ARCN1: variants seen among roughly 807,000 people sequenced by gnomAD.
ARCN1 encodes the protein archain 1 coat protein complex I subunit delta.
Under a neutral mutation model 60.4 loss-of-function variants are expected in ARCN1, and 5 were observed. That is an observed-to-expected ratio of 0.08 (90% CI 0.04 to 0.17). The LOEUF (loss-of-function observed/expected upper bound fraction) is 0.17, where lower values mean the gene tolerates loss of function less well. Among genes scored for constraint, ARCN1 ranks in the 10% least tolerant of loss-of-function variants. ARCN1 has a pLI of 1.00. For synonymous variants in ARCN1, 224 were observed against 220.0 expected (o/e 1.02, Z -0.16); for missense variants, 464 against 626.5 (o/e 0.74, Z 2.77).
At chr11:118,591,380 CTGTTT>C (rs554236038) in intron 6 of ARCN1, among the ~76,000 whole-genome samples, 118 of 152,152 alleles carry the variant, frequency 7.8e-4, no homozygotes, top group Non-Finnish European at 1.3e-3. Context: ...AAAGTGATTT[CTGTTT>C]TGTTTTGTTT....
chr11:118,588,756 G>A (rs1407476170), intron 5 of ARCN1, among the ~76,000 whole-genome samples: 1 of 151,262 alleles, frequency 6.6e-6, no homozygotes, highest in African/African-American at 2.4e-5. Flanking sequence ...GGTGGCTCAC[G>A]CCTGTAATCC....
chr11:118,591,667 A>C (rs549770532), intron 6 of ARCN1, among the ~76,000 whole-genome samples: 7 of 151,780 alleles, frequency 4.6e-5, no homozygotes, highest in Admixed American at 1.3e-4. Context: ...TTGGGATTGT[A>C]GTCATGAGCC....
chr11:118,597,283 C>G (rs1292069988), intron 8 of ARCN1, among the ~76,000 whole-genome samples: 1 of 152,154 alleles, frequency 6.6e-6, no homozygotes, highest in African/African-American at 2.4e-5. Flanking sequence ...GAGTTTTCCC[C>G]CACTATTATC....
At chr11:118,600,588 C>A in intron 9 of ARCN1, 37 bp from the exon 10 acceptor site, 1 of 1,459,512 alleles carries the variant, frequency 6.9e-7, no homozygotes, top group Non-Finnish European at 9.5e-7. Flanking sequence ...GAGACTCAAA[C>A]CTCCTGCTTT....
intron 5 of ARCN1, among the ~76,000 whole-genome samples, chr11:118,588,616 A>G (rs987805809): frequency 1.3e-5 from 2 of 152,244 alleles, no homozygotes; most frequent in African/African-American, 2.4e-5. Context: ...AGGCTGAGGC[A>G]GGAGGATCAC....
intron 2 of ARCN1, among the ~76,000 whole-genome samples, chr11:118,582,857 A>G (rs1021115881): frequency 6.6e-6 from 1 of 151,928 alleles, no homozygotes; most frequent in African/African-American, 2.4e-5. Context: ...CCTGGCCAAC[A>G]TGGTGAAACC....
At chr11:118,579,547 G>A (rs1938603458) in intron 1 of ARCN1, among the ~76,000 whole-genome samples, 1 of 151,500 alleles carries the variant, frequency 6.6e-6, no homozygotes, top group South Asian at 2.1e-4. Context: ...AATTAGCCGG[G>A]CGTGGTGGCA....
chr11:118,600,646 G>T lies in ARCN1; in HGVS notation c.1468G>T (p.Asp490Tyr), dbSNP rs1555077948. ...CTAGGTTACCAAAGTGACCCAGGTAGATGGAAACAGCCCCGTCAGGTTTTC... is the reference window on the plus strand; with the variant it reads ...CTAGGTTACCAAAGTGACCCAGGTATATGGAAACAGCCCCGTCAGGTTTTC... ...NIQVTKVTQVDGNSPVRFSTE... is the reference protein window; with the variant it reads ...NIQVTKVTQVYGNSPVRFSTE... Residue 490 changes from aspartate (D) to tyrosine (Y), a missense_variant, in exon 10 of 10, where the codon GAT becomes TAT. Asp to Tyr is a radical substitution (Grantham distance 160, BLOSUM62 -3). Around this residue, in one of 2 missense-constraint regions of ARCN1, gnomAD observed 359 missense variants for 440.2 expected, o/e 0.82. Transcript: ENST00000264028. 1 of 1,612,296 alleles carries T rather than the reference G, an allele frequency of 6.2e-7. No homozygotes were observed. Among genetic ancestry groups the T allele is most frequent in the South Asian group, 1.1e-5 (1 of 90,790 alleles).
rs115220751 is a variant in ARCN1 at position 118,576,410 on chromosome 11, T to C, written c.3+3860T>C. On this transcript the variant is annotated intron_variant, in intron 1 of 9. Transcript: ENST00000264028. ...GCAAGTTCCTTTTAGATCTGGAATG[T>C]TTTTTCCAAAAATGTTAAAAAAAAA... is the stretch of plus-strand genomic sequence containing the variant. 4.4e-3 allele frequency among the ~76,000 whole-genome samples: 626 copies of C among 141,062 alleles called. 3 individuals carry two copies. Among genetic ancestry groups the C allele is most frequent in the African/African-American group, 0.015 (580 of 38,012 alleles). The allele number at this position is 141,062 out of a possible 152,430, so 92.5% of individuals were successfully genotyped here.
chr11:118,584,849 G>A (rs1172652121), intron 5 of ARCN1, among the ~76,000 whole-genome samples: 2 of 151,264 alleles, frequency 1.3e-5, no homozygotes, highest in East Asian at 3.9e-4. Flanking sequence ...TTTTTGAGAT[G>A]GAGTCTCACT....
intron 2 of ARCN1, among the ~76,000 whole-genome samples, chr11:118,582,570 C>CA (rs1249304924): frequency 6.7e-6 from 1 of 150,146 alleles, no homozygotes; most frequent in Non-Finnish European, 1.5e-5. Context: ...ACTCAAAATA[C>CA]AAAAAAATTA....
chr11:118,580,357 C>T (rs1421451053), intron 1 of ARCN1, among the ~76,000 whole-genome samples: 1 of 152,056 alleles, frequency 6.6e-6, no homozygotes, highest in Non-Finnish European at 1.5e-5. Context: ...AATTCTGATC[C>T]TCAGGATAAT....
chr11:118,574,105 A>T (rs912144354), intron 1 of ARCN1, among the ~76,000 whole-genome samples: 4 of 152,176 alleles, frequency 2.6e-5, no homozygotes, highest in Non-Finnish European at 5.9e-5. Context: ...GATATATATA[A>T]AATATAACTT....
chr11:118,595,277 G>C (rs1939001518), intron 8 of ARCN1, among the ~76,000 whole-genome samples: 1 of 152,216 alleles, frequency 6.6e-6, no homozygotes, highest in Admixed American at 6.5e-5. Flanking sequence ...CTATCGGGCT[G>C]AATGTTTCAT....
chr11:118,585,317 A>T lies in ARCN1; in HGVS notation c.818+673A>T, dbSNP rs149877346. On this transcript the variant is annotated intron_variant, in intron 5 of 9. Coordinates refer to ENST00000264028, the MANE Select transcript of ARCN1 (RefSeq NM_001655.5). ...GCCCTCAGCCACCTATTTTCTATGA[A>T]GTTTAGAACTTTCCTTTTACAGCTA... Among the ~76,000 whole-genome samples the T allele has an allele frequency of 7.6e-4, 115 of 152,106 alleles. 1 individual carries two copies. In the East Asian group the frequency reaches 0.022, roughly 29 times the overall value.
chr11:118,583,624 G>A (rs1555074988), intron 3 of ARCN1, among the ~76,000 whole-genome samples, 185 bp from the exon 4 acceptor site: 4 of 152,068 alleles, frequency 2.6e-5, no homozygotes, highest in Non-Finnish European at 1.5e-5. Flanking sequence ...AGGCATGGTA[G>A]CACGTGCATG....
At chr11:118,595,795 C>T (rs2135554627) in intron 8 of ARCN1, among the ~76,000 whole-genome samples, 1 of 152,326 alleles carries the variant, frequency 6.6e-6, no homozygotes, top group East Asian at 1.9e-4. Context: ...TTGCCAGGCG[C>T]AGTGGCTCAC....
In ARCN1 at chr11:118,597,701, C is replaced by G. The variant is rs782485589; in HGVS notation, c.1242-6C>G. ...GCTACCTTGACCAGAATGTTTCTCA[C>G]AACAGGTCTGGTGTCGGCGCGCCTG... is the stretch of plus-strand genomic sequence containing the variant. On this transcript the variant is annotated splice_region_variant and splice_polypyrimidine_tract_variant and intron_variant, in intron 8 of 9. Coordinates refer to ENST00000264028, the MANE Select transcript of ARCN1 (RefSeq NM_001655.5). 1 of 1,613,724 alleles carries G rather than the reference C, an allele frequency of 6.2e-7. No individual in the cohort carries two copies. The highest frequency in any genetic ancestry group is 1.1e-5 in the South Asian group (1 of 90,988).
At position 118,584,026 on chromosome 11, in the gene ARCN1, T is replaced by G. The variant is rs782193561; in HGVS notation, c.653+12T>G. ...CCTGCACCAGCCAGGTATAATCCAG[T>G]GTACTTTAGAATACCAGGTGAAGGG... On this transcript the variant is annotated intron_variant, in intron 4 of 9. Transcript: ENST00000264028. The G allele has an allele frequency of 3.1e-6, 5 of 1,612,852 alleles. No individual in the cohort carries two copies. The highest frequency in any genetic ancestry group is 1.7e-6 in the Non-Finnish European group (2 of 1,179,140).
Sources: allele counts gnomAD v4.1 joint callset (sites outside exome capture counted in the v4.1 genomes callset), GRCh38; gene constraint gnomAD v4.1.1; regional missense constraint gnomAD v4.1.1; transcripts MANE v1.5; gene names NCBI Gene and HGNC (gene_info 2026-07-23, HGNC 2026-07-21).